ELMO1: variants seen among roughly 807,000 people sequenced by gnomAD.
ELMO1 encodes the protein engulfment and cell motility protein 1.
A neutral mutation model predicts 98.9 loss-of-function variants in ELMO1; 26 were observed. The observed-to-expected ratio is 0.26, with a 90% CI of 0.19 to 0.36. ELMO1 has a LOEUF of 0.36. Among genes scored for constraint, ELMO1 ranks in the 10% least tolerant of loss-of-function variants. ELMO1 has a pLI of 1.00. For synonymous variants in ELMO1, 346 were observed against 346.0 expected (o/e 1.00, Z 0.00); for missense variants, 627 against 935.2 (o/e 0.67, Z 4.30).
intron 5 of ELMO1, among the ~76,000 whole-genome samples, chr7:37,267,989 G>T (rs1217859102): frequency 6.6e-6 from 1 of 151,996 alleles, no homozygotes; most frequent in Non-Finnish European, 1.5e-5. Context: ...TCTGCATTTT[G>T]TGTTCTACTT....
intron 2 of ELMO1, among the ~76,000 whole-genome samples, chr7:37,336,318 G>A (rs752332141): frequency 3.9e-5 from 6 of 152,092 alleles, no homozygotes; most frequent in African/African-American, 1.4e-4. Flanking sequence ...CTTTCTTCAG[G>A]TTAACATATG....
chr7:37,120,226 G>A (rs1049507950), intron 14 of ELMO1, among the ~76,000 whole-genome samples: 3 of 152,162 alleles, frequency 2.0e-5, no homozygotes, highest in Admixed American at 6.5e-5. Flanking sequence ...CTCAGAAAAC[G>A]GGTGATTTCT....
At position 37,211,385 on chromosome 7, in the gene ELMO1, C is replaced by T. The variant is rs1792960670; in HGVS notation, c.1086+1G>A. On this transcript the variant is annotated splice_donor_variant, in intron 13 of 21. Transcript: ENST00000310758. LOFTEE classifies it high-confidence loss of function. ...GCGCATACTGGAGATAGCTTACTTA[C>T]AATGAACCCAAGCTTCTTATAATCT... 6.2e-7 allele frequency: 1 copy of T among 1,613,852 alleles called. No homozygotes were observed. The highest frequency in any genetic ancestry group is 1.7e-5 in the Admixed American group (1 of 59,996).
At chr7:37,140,138 G>A (rs1475816032) in intron 13 of ELMO1, among the ~76,000 whole-genome samples, 2 of 151,790 alleles carry the variant, frequency 1.3e-5, no homozygotes, top group Non-Finnish European at 2.9e-5. Context: ...CACTTTGGGA[G>A]GCCATGGTGG....
chr7:37,383,436 T>A (rs1210066143), intron 1 of ELMO1, among the ~76,000 whole-genome samples: 1 of 152,224 alleles, frequency 6.6e-6, no homozygotes, highest in East Asian at 1.9e-4. Flanking sequence ...AGTTGGTTTG[T>A]CCCATTAACA....
chr7:36,966,000 A>G (rs1789397532), intron 16 of ELMO1, among the ~76,000 whole-genome samples: 1 of 152,222 alleles, frequency 6.6e-6, no homozygotes, highest in African/African-American at 2.4e-5. Flanking sequence ...AGGAAAAATG[A>G]ATATACTTCA....
At chr7:37,346,314 C>A (rs941407346) in intron 1 of ELMO1, among the ~76,000 whole-genome samples, 1 of 152,148 alleles carries the variant, frequency 6.6e-6, no homozygotes, top group Non-Finnish European at 1.5e-5. Flanking sequence ...GCAAACTATA[C>A]GAAAAGCCTT....
chr7:37,054,815 T>G (rs1258259890), intron 15 of ELMO1, among the ~76,000 whole-genome samples: 1 of 152,214 alleles, frequency 6.6e-6, no homozygotes, highest in Non-Finnish European at 1.5e-5. Flanking sequence ...TGTAGCAATC[T>G]CCAGTTTCTG....
At chr7:37,336,222 C>A (rs527525834) in intron 2 of ELMO1, among the ~76,000 whole-genome samples, 1 of 150,704 alleles carries the variant, frequency 6.6e-6, no homozygotes, top group East Asian at 1.9e-4. Context: ...TGAGACCCTG[C>A]GTCAAGGAAA....
chr7:36,935,681 G>C (rs1369982009), intron 16 of ELMO1, among the ~76,000 whole-genome samples: 1 of 152,142 alleles, frequency 6.6e-6, no homozygotes, highest in Non-Finnish European at 1.5e-5. Context: ...CACACATTTT[G>C]AGGCTCTTAA....
At chr7:37,361,659 T>C (rs1261462433) in intron 1 of ELMO1, among the ~76,000 whole-genome samples, 1 of 152,066 alleles carries the variant, frequency 6.6e-6, no homozygotes, top group Non-Finnish European at 1.5e-5. Context: ...AAAGGCAAAA[T>C]TACATTGATA....
intron 11 of ELMO1, 123 bp downstream of exon 11, chr7:37,216,522 C>T: frequency 8.9e-7 from 1 of 1,125,536 alleles, no homozygotes; most frequent in South Asian, 1.4e-5. Flanking sequence ...CATTAGAGTT[C>T]CTACTGCTTC....
At chr7:37,038,514 T>C (rs1795319787) in intron 15 of ELMO1, among the ~76,000 whole-genome samples, 2 of 152,238 alleles carry the variant, frequency 1.3e-5, no homozygotes, top group African/African-American at 2.4e-5. Context: ...TTGATCTTCC[T>C]TCTTACCATA....
At chr7:37,130,920 T>C (rs1379466581) in intron 14 of ELMO1, among the ~76,000 whole-genome samples, 2 of 152,104 alleles carry the variant, frequency 1.3e-5, no homozygotes, top group Non-Finnish European at 2.9e-5. Context: ...AAGATATACA[T>C]CCTCAAAAAG....
intron 16 of ELMO1, among the ~76,000 whole-genome samples, chr7:36,941,005 A>T (rs1165431408): frequency 6.6e-6 from 1 of 152,266 alleles, no homozygotes; most frequent in Non-Finnish European, 1.5e-5. Flanking sequence ...TTCATGAAGG[A>T]GATAGCATCG....
In ELMO1 at chr7:37,222,794, C is replaced by G. The variant is rs1394344104; in HGVS notation, c.702-101G>C. ...AGGCTCAAAATCAGCCCCCTCCCCC[C>G]AAAAAAAGTGAGAGAGAAAGGCAGG... On this transcript the variant is annotated intron_variant, in intron 9 of 21. Transcript: ENST00000310758. The G allele has an allele frequency of 3.9e-6, 4 of 1,017,552 alleles. No individual in the cohort carries two copies. The South Asian group carries it at 6.0e-5, about 15-fold the overall frequency. The allele number at this position is 1,017,552 out of a possible 1,614,324, so 63.0% of individuals were successfully genotyped here.
At chr7:37,238,847 T>C (rs1333029179) in intron 7 of ELMO1, among the ~76,000 whole-genome samples, 1 of 152,202 alleles carries the variant, frequency 6.6e-6, no homozygotes, top group Admixed American at 6.5e-5. Context: ...AGCTGCTTGA[T>C]TGATTTTCAA....
chr7:37,380,755 A>T (rs1802548113), intron 1 of ELMO1, among the ~76,000 whole-genome samples: 1 of 152,204 alleles, frequency 6.6e-6, no homozygotes, highest in South Asian at 2.1e-4. Context: ...GTGTGTTTCT[A>T]TTTAAAGACA....
chr7:37,213,363 A>G lies in ELMO1; in HGVS notation c.926T>C (p.Met309Thr), dbSNP rs746393646. The stretch of plus-strand genomic sequence containing the variant: ...GTCCTGGGGGTCCATTTTGGTCATC[A>G]TCCTGTCTTCCAGGAGGTTAAAGGT... ...VLTFNLLEDRMMTKMDPQDQA... is the reference protein window; with the variant it reads ...VLTFNLLEDRTMTKMDPQDQA... Residue 309 changes from methionine (M) to threonine (T), a missense_variant, in exon 12 of 22, where the codon ATG (methionine) becomes ACG (threonine). Physicochemically the swap from Met to Thr is moderately conservative, Grantham distance 81. Around this residue, in one of 3 missense-constraint regions of ELMO1, gnomAD observed 492 missense variants for 715.6 expected, o/e 0.69. Coordinates refer to ENST00000310758, the MANE Select transcript of ELMO1 (RefSeq NM_014800.11). 5.0e-6 allele frequency: 8 copies of G among 1,612,922 alleles called. No homozygotes were observed. The highest frequency in any genetic ancestry group is 6.8e-6 in the Non-Finnish European group (8 of 1,179,704).
Sources: gnomAD v4.1 joint callset for allele counts (sites outside exome capture counted in the v4.1 genomes callset) on GRCh38, gnomAD v4.1.1 for gene constraint, gnomAD v4.1.1 regional missense constraint, MANE v1.5 for transcripts, NCBI Gene and HGNC (gene_info 2026-07-23, HGNC 2026-07-21) for gene names.